The following STAU2 variants were observed in gnomAD, a reference collection of about 807,000 sequenced individuals.
STAU2 encodes double-stranded RNA-binding protein Staufen homolog 2.
In STAU2, 20 loss-of-function variants were observed where a neutral mutation model predicts 65.9. The observed-to-expected ratio is 0.30, with a 90% CI of 0.21 to 0.44. The LOEUF is 0.44. STAU2 is among the 20% of genes least tolerant of loss of function. The pLI is 1.00. For missense variants in STAU2, 558 were observed against 683.9 expected (o/e 0.82, Z 2.05); for synonymous variants, 232 against 233.9 (o/e 0.99, Z 0.07).
At chr8:73,570,170 G>A (rs187047571) in intron 12 of STAU2, among the ~76,000 whole-genome samples, 12 of 152,310 alleles carry the variant, frequency 7.9e-5, no homozygotes, top group African/African-American at 2.4e-4. Context: ...CGTGACGCAT[G>A]CACAAGCTTC....
At chr8:73,687,496 T>A (rs1819011212) in intron 5 of STAU2, among the ~76,000 whole-genome samples, 1 of 141,530 alleles carries the variant, frequency 7.1e-6, no homozygotes, top group East Asian at 2.0e-4. Flanking sequence ...ATATATAAAA[T>A]ATAGTTTTTT....
chr8:73,706,264 G>A (rs1029661741), intron 4 of STAU2, among the ~76,000 whole-genome samples: 4 of 151,792 alleles, frequency 2.6e-5, no homozygotes, highest in African/African-American at 7.3e-5. Context: ...TTATAGTCAC[G>A]CACCACCACA....
At chr8:73,670,981 G>A (rs1299287579) in intron 6 of STAU2, among the ~76,000 whole-genome samples, 1 of 152,016 alleles carries the variant, frequency 6.6e-6, no homozygotes, top group Non-Finnish European at 1.5e-5. Flanking sequence ...AAAATAGACT[G>A]AAGGTTAACA....
intron 5 of STAU2, among the ~76,000 whole-genome samples, chr8:73,686,228 C>T (rs1818802082): frequency 6.6e-6 from 1 of 152,118 alleles, no homozygotes. Context: ...TCCTGGCTAA[C>T]ATGGTGAAAC....
intron 3 of STAU2, among the ~76,000 whole-genome samples, chr8:73,723,885 T>G (rs1821855137): frequency 1.3e-5 from 2 of 152,258 alleles, no homozygotes; most frequent in South Asian, 4.1e-4. Context: ...ATGGTAATCT[T>G]TAACTGAATG....
intron 11 of STAU2, among the ~76,000 whole-genome samples, chr8:73,585,706 G>A (rs1007351653): frequency 6.6e-6 from 1 of 152,170 alleles, no homozygotes; most frequent in Non-Finnish European, 1.5e-5. Context: ...CTTACTTTCT[G>A]TATTTCTTCT....
At chr8:73,438,511 G>A (rs1337982631) in intron 13 of STAU2, among the ~76,000 whole-genome samples, 1 of 152,226 alleles carries the variant, frequency 6.6e-6, no homozygotes, top group African/African-American at 2.4e-5. Context: ...GGGCGAGTGG[G>A]AATCCAGGAC....
chr8:73,691,674 A>G (rs980637253), intron 4 of STAU2, among the ~76,000 whole-genome samples: 1 of 152,118 alleles, frequency 6.6e-6, no homozygotes, highest in Admixed American at 6.5e-5. Flanking sequence ...TCTCTCCCCT[A>G]AACTACCACA....
At position 73,497,590 on chromosome 8, in the gene STAU2, A is replaced by C. The variant is rs531733954; in HGVS notation, c.1530+54422T>G. ...AAGTATCCCTCGGTAATAAAGACTGAAGTAGAACCTACTTGCATCACAGGA... is the reference window on the plus strand; with the variant it reads ...AAGTATCCCTCGGTAATAAAGACTGCAGTAGAACCTACTTGCATCACAGGA... On this transcript the variant is annotated intron_variant, in intron 13 of 14. Transcript: ENST00000524300. 7.7e-4 allele frequency among the ~76,000 whole-genome samples: 117 copies of C among 151,860 alleles called. 1 individual carries two copies. Among genetic ancestry groups the C allele is most frequent in the Admixed American group, 1.3e-3 (19 of 15,198 alleles).
At chr8:73,527,890 T>TCAGGAAAATTCAAATAATTTA (rs59636774) in intron 13 of STAU2, 732,836 of 813,490 alleles carry the variant, frequency 0.9, 331,923 homozygotes, top group East Asian at 0.93. Context: ...GGTCTAGATT[T>TCAGGAAAATTCAAATAATTTA]CACAGAACAC....
chr8:73,583,365 C>CA (rs939795690), intron 11 of STAU2, among the ~76,000 whole-genome samples: 3 of 152,010 alleles, frequency 2.0e-5, no homozygotes, highest in African/African-American at 7.2e-5. Flanking sequence ...AGGCTGGTCT[C>CA]AAACTACTGA....
Position 73,530,635 on chromosome 8 carries a change from T to G in STAU2, c.1530+21377A>C, listed in dbSNP as rs374880250. Among the ~76,000 whole-genome samples the G allele has an allele frequency of 6.4e-4, 98 of 152,304 alleles. No individual in the cohort carries two copies. In the South Asian group the frequency reaches 0.019, roughly 30 times the overall value. ...TTTGAATAGAAATTTTGACTGAGTT[T>G]GCTGTATATCCCTGGCAGTTTAGAA... On this transcript the variant is annotated intron_variant, in intron 13 of 14. Transcript: ENST00000524300.
At chr8:73,521,270 T>C (rs1472983478) in intron 13 of STAU2, among the ~76,000 whole-genome samples, 1 of 152,200 alleles carries the variant, frequency 6.6e-6, no homozygotes, top group Non-Finnish European at 1.5e-5. Context: ...ATGAATGTCC[T>C]TTCATTAAGA....
At chr8:73,705,098 T>G (rs900034778) in intron 4 of STAU2, among the ~76,000 whole-genome samples, 1 of 152,210 alleles carries the variant, frequency 6.6e-6, no homozygotes, top group African/African-American at 2.4e-5. Flanking sequence ...AGGGGTTGTT[T>G]TAGTCCTATA....
In STAU2 at chr8:73,616,825, T is replaced by G. The variant is rs61022162; in HGVS notation, c.570+467A>C. ...AAAAAAAAGGAAGCTCACTATGCTA[T>G]GTATAGGACATGCCTGAGCTAGAGA... On this transcript the variant is annotated intron_variant, in intron 7 of 14. Coordinates refer to ENST00000524300, the MANE Select transcript of STAU2 (RefSeq NM_001164380.2). Among the ~76,000 whole-genome samples, 36 of 151,612 alleles carry G rather than the reference T, an allele frequency of 2.4e-4. 1 individual carries two copies. Among genetic ancestry groups the G allele is most frequent in the Admixed American group, 1.4e-3 (21 of 15,232 alleles).
chr8:73,567,809 G>A (rs1278569107), intron 12 of STAU2, among the ~76,000 whole-genome samples: 1 of 151,938 alleles, frequency 6.6e-6, no homozygotes, highest in Non-Finnish European at 1.5e-5. Context: ...CTCAGCCCCT[G>A]AAGTGCTGGG....
intron 12 of STAU2, among the ~76,000 whole-genome samples, chr8:73,575,128 T>TAAAAAAAAAAAAAAAAAAGAAAAAAAAAA (rs5892429): frequency 7.2e-6 from 1 of 138,050 alleles, no homozygotes; most frequent in African/African-American, 2.7e-5. Flanking sequence ...TCCTACCAAG[T>TAAAAAAAAAAAAAAAAAAGAAAAAAAAAA]AAAAAAAAAA....
chr8:73,705,543 C>A (rs750684800), intron 4 of STAU2, among the ~76,000 whole-genome samples: 1 of 152,116 alleles, frequency 6.6e-6, no homozygotes, highest in Non-Finnish European at 1.5e-5. Context: ...CTAATTAAAA[C>A]AGCCTTCTTT....
At chr8:73,651,242 C>A in intron 6 of STAU2, 1 of 724,762 alleles carries the variant, frequency 1.4e-6, no homozygotes, top group Non-Finnish European at 2.4e-6. Flanking sequence ...CCAGAGAGGG[C>A]TATGGCTGGG....
Sources: gnomAD v4.1 joint callset for allele counts (sites outside exome capture counted in the v4.1 genomes callset) on GRCh38, gnomAD v4.1.1 for gene constraint, MANE v1.5 for transcripts, NCBI Gene and HGNC (gene_info 2026-07-23, HGNC 2026-07-21) for gene names.